Variants in PPARGC1A observed in about 807,000 individuals in gnomAD.
The protein encoded by PPARGC1A is PPARG coactivator 1 alpha.
Under a neutral mutation model 88.7 loss-of-function variants are expected in PPARGC1A, and 25 were observed. The ratio of observed to expected loss-of-function variants is 0.28; its 90% confidence interval spans 0.21 to 0.39. The LOEUF (loss-of-function observed/expected upper bound fraction) is 0.39. PPARGC1A is among the 10% of genes least tolerant of loss of function. PPARGC1A has a pLI of 1.00. For synonymous variants in PPARGC1A, 363 were observed against 355.6 expected (o/e 1.02, Z -0.24); for missense variants, 880 against 968.7 (o/e 0.91, Z 1.22).
chr4:24,068,929 T>C, the PPARGC1A span, among the ~76,000 whole-genome samples: 143,058 of 152,232 alleles, frequency 0.94, 67,302 homozygotes, highest in African/African-American at 0.97. Context: ...CCACCTTCTA[T>C]GACTGAGCTG....
At chr4:23,923,297 C>G in the PPARGC1A span, among the ~76,000 whole-genome samples, 22 of 152,046 alleles carry the variant, frequency 1.4e-4, no homozygotes, top group Non-Finnish European at 7.4e-5. Flanking sequence ...GCAGAGGTAA[C>G]AGAAACGTGG....
intron 7 of PPARGC1A, among the ~76,000 whole-genome samples, chr4:23,815,257 G>A (rs373561450): frequency 6.6e-6 from 1 of 152,036 alleles, no homozygotes; most frequent in Non-Finnish European, 1.5e-5. Flanking sequence ...ACAACTTAAC[G>A]GCAGTGATTC....
chr4:23,861,967 G>C (rs1731286673), intron 2 of PPARGC1A, among the ~76,000 whole-genome samples: 1 of 152,170 alleles, frequency 6.6e-6, no homozygotes, highest in African/African-American at 2.4e-5. Flanking sequence ...TCAATACTTG[G>C]TAATTGCCTT....
At chr4:24,169,217 G>T in the PPARGC1A span, among the ~76,000 whole-genome samples, 1 of 152,148 alleles carries the variant, frequency 6.6e-6, no homozygotes, top group African/African-American at 2.4e-5. Context: ...ACAAAATTCC[G>T]GACCAGTCCT....
At chr4:24,344,273 G>A in the PPARGC1A span, among the ~76,000 whole-genome samples, 1 of 152,206 alleles carries the variant, frequency 6.6e-6, no homozygotes, top group Non-Finnish European at 1.5e-5. Context: ...CCAGTAGTGG[G>A]ATTGCTGGAT....
At chr4:24,379,307 G>C in the PPARGC1A span, among the ~76,000 whole-genome samples, 1 of 152,154 alleles carries the variant, frequency 6.6e-6, no homozygotes, top group South Asian at 2.1e-4. Flanking sequence ...GTGATAAAGA[G>C]AGGTTGGTTA....
chr4:24,104,995 A>T, the PPARGC1A span, among the ~76,000 whole-genome samples: 1 of 152,228 alleles, frequency 6.6e-6, no homozygotes, highest in Non-Finnish European at 1.5e-5. Context: ...ATTAAATCAC[A>T]GTGTGAACAT....
the PPARGC1A span, among the ~76,000 whole-genome samples, chr4:23,959,397 G>A: frequency 3.3e-5 from 5 of 152,104 alleles, no homozygotes; most frequent in East Asian, 1.9e-4. Flanking sequence ...TTATTATGGC[G>A]TTAGAATGTG....
the PPARGC1A span, among the ~76,000 whole-genome samples, chr4:24,089,500 C>CTTTTTTTT: frequency 8.5e-5 from 8 of 94,252 alleles, 1 homozygote; most frequent in African/African-American, 3.4e-4. Flanking sequence ...CTTTTCTTTT[C>CTTTTTTTT]TTTTCTTTTC....
intron 3 of PPARGC1A, 188 bp downstream of exon 3, chr4:23,831,369 C>T (rs118071088): frequency 1.1e-4 from 52 of 471,554 alleles, no homozygotes; most frequent in South Asian, 1.7e-4. Flanking sequence ...TAAGACTACA[C>T]GAAGACGTGT....
In PPARGC1A at chr4:23,801,865, T is replaced by C. The variant is rs374066744; in HGVS notation, c.2158A>G (p.Ile720Val). 4.2e-5 allele frequency: 67 copies of C among 1,613,862 alleles called. No individual in the cohort carries two copies. Among genetic ancestry groups the C allele is most frequent in the Middle Eastern group, 1.6e-4 (1 of 6,082 alleles). ...LRDDGDSYGF[I>V]TYRYTCDAFA... Reference sequence around the variant, plus strand: ...GCATCACAGGTATAACGGTAGGTAATGAAACCATAGCTGTCTCTGCAACGG... The same window carrying C: ...GCATCACAGGTATAACGGTAGGTAACGAAACCATAGCTGTCTCTGCAACGG... The change falls in exon 12 of 13, where the codon ATT becomes GTT. Residue 720 changes from isoleucine (I) to valine (V), a missense_variant. Transcript: ENST00000264867.
chr4:24,357,147 C>A, the PPARGC1A span, among the ~76,000 whole-genome samples: 2 of 152,220 alleles, frequency 1.3e-5, no homozygotes, highest in African/African-American at 2.4e-5. Context: ...ACTTGCTCAT[C>A]AACACACCTT....
the PPARGC1A span, among the ~76,000 whole-genome samples, chr4:24,262,518 A>T: frequency 1.3e-5 from 2 of 152,046 alleles, no homozygotes; most frequent in Non-Finnish European, 2.9e-5. Flanking sequence ...AAAGGAAACC[A>T]TTTTTCAATC....
the PPARGC1A span, among the ~76,000 whole-genome samples, chr4:24,157,480 A>G: frequency 6.6e-6 from 1 of 152,156 alleles, no homozygotes; most frequent in Non-Finnish European, 1.5e-5. Context: ...ATAATATCCT[A>G]CATGTATATC....
chr4:24,322,647 T>C, the PPARGC1A span, among the ~76,000 whole-genome samples: 1 of 152,206 alleles, frequency 6.6e-6, no homozygotes, highest in Admixed American at 6.5e-5. Context: ...ATTGTTAAAT[T>C]TGCAGAAAAT....
intron 3 of PPARGC1A, among the ~76,000 whole-genome samples, chr4:23,830,899 G>A (rs372269505): frequency 6.6e-5 from 10 of 152,106 alleles, no homozygotes; most frequent in Non-Finnish European, 1.5e-4. Flanking sequence ...GGTGGCAAAC[G>A]TGCTATAGTT....
At chr4:24,213,892 G>A in the PPARGC1A span, among the ~76,000 whole-genome samples, 2 of 152,198 alleles carry the variant, frequency 1.3e-5, no homozygotes, top group Non-Finnish European at 2.9e-5. Flanking sequence ...ATCTGGTGTG[G>A]TAGGAGGAAC....
the PPARGC1A span, among the ~76,000 whole-genome samples, chr4:24,234,737 A>G: frequency 3.3e-5 from 5 of 152,216 alleles, no homozygotes; most frequent in African/African-American, 1.2e-4. Flanking sequence ...TGGGAAAGTA[A>G]TGTATCCTGT....
At chr4:24,021,157 G>A in the PPARGC1A span, among the ~76,000 whole-genome samples, 1 of 152,174 alleles carries the variant, frequency 6.6e-6, no homozygotes, top group Non-Finnish European at 1.5e-5. Flanking sequence ...TGGCCCTCTG[G>A]CCCTTGCAGG....
Sources: allele counts gnomAD v4.1 joint callset (sites outside exome capture counted in the v4.1 genomes callset), GRCh38; gene constraint gnomAD v4.1.1; transcripts MANE v1.5; gene names NCBI Gene and HGNC (gene_info 2026-07-23, HGNC 2026-07-21).